Variants in CACNA1E observed in about 807,000 individuals in gnomAD.
CACNA1E encodes the protein calcium voltage-gated channel subunit alpha1 E.
CACNA1E carries 40 observed loss-of-function variants against 259.2 expected under a neutral mutation model. The ratio of observed to expected loss-of-function variants is 0.15; its 90% CI spans 0.12 to 0.20. The LOEUF is 0.20. CACNA1E is among the 10% of genes least tolerant of loss of function. The probability of loss-of-function intolerance (pLI) is 1.00; values close to 1 mark genes in which losing one functional copy is unlikely to be tolerated. For missense variants in CACNA1E, 1,874 were observed against 3,040.1 expected (o/e 0.62, Z 9.02); for synonymous variants, 1,104 against 1,138.5 (o/e 0.97, Z 0.61).
chr1:181,623,166 G>A (rs535894252), intron 6 of CACNA1E, among the ~76,000 whole-genome samples: 1 of 152,056 alleles, frequency 6.6e-6, no homozygotes, highest in African/African-American at 2.4e-5. Flanking sequence ...AGTTAAAATC[G>A]CCATCTCCAG....
At position 181,798,998 on chromosome 1, in the gene CACNA1E, C is replaced by A; in HGVS notation, c.*164C>A. On this transcript the variant is annotated 3_prime_UTR_variant, in exon 48 of 48. Transcript: ENST00000367573. This position sits in a 1 kb window ranked among gnomAD's most constrained non-coding sequence, Gnocchi z 4.2. Reference sequence around the variant, plus strand: ...AGTAAAGGACAATCAGAACACCAGTCAAACCCACCAAATTGCTTTATTCCC... The same window carrying A: ...AGTAAAGGACAATCAGAACACCAGTAAAACCCACCAAATTGCTTTATTCCC... 1.7e-6 allele frequency: 1 copy of A among 585,624 alleles called. No individual in the cohort carries two copies. Among genetic ancestry groups the A allele is most frequent in the African/African-American group, 1.9e-5 (1 of 53,518 alleles). 36.3% of individuals were successfully genotyped at this position (585,624 alleles called of 1,614,324 possible).
At chr1:181,509,014 G>T (rs899736717) in intron 1 of CACNA1E, among the ~76,000 whole-genome samples, 1 of 152,114 alleles carries the variant, frequency 6.6e-6, no homozygotes, top group African/African-American at 2.4e-5. Context: ...CTAGAGGTGC[G>T]TGGGAAGGAA....
At chr1:181,556,148 A>T (rs1648695541) in intron 3 of CACNA1E, among the ~76,000 whole-genome samples, 1 of 152,056 alleles carries the variant, frequency 6.6e-6, no homozygotes, top group South Asian at 2.1e-4. Context: ...AGGATGCAGG[A>T]TGGGTTTTCT....
intron 25 of CACNA1E, among the ~76,000 whole-genome samples, chr1:181,740,550 A>C (rs543544401): frequency 6.6e-6 from 1 of 152,010 alleles, no homozygotes; most frequent in Non-Finnish European, 1.5e-5. Flanking sequence ...TCTCTCTCTT[A>C]AGGAGAGGTA....
intron 7 of CACNA1E, among the ~76,000 whole-genome samples, chr1:181,678,428 A>G (rs1323033399): frequency 2.0e-5 from 3 of 152,234 alleles, no homozygotes; most frequent in Non-Finnish European, 4.4e-5. Flanking sequence ...TGGGCTATAT[A>G]TAATAACAAT....
intron 7 of CACNA1E, among the ~76,000 whole-genome samples, chr1:181,690,712 C>A (rs1408390469): frequency 6.6e-6 from 1 of 151,990 alleles, no homozygotes; most frequent in Non-Finnish European, 1.5e-5. Context: ...AGTTGTATTC[C>A]TAGGTATTTT....
chr1:181,402,076 A>C (rs570040412), intron 1 of CACNA1E, among the ~76,000 whole-genome samples: 2 of 152,238 alleles, frequency 1.3e-5, no homozygotes, highest in Admixed American at 1.3e-4. Context: ...GTATCATTAC[A>C]TATTTTCAAA....
chr1:181,577,872 G>A lies in CACNA1E; in HGVS notation c.616+3G>A, dbSNP rs1318284235. 3.8e-6 allele frequency: 6 copies of A among 1,592,170 alleles called. No homozygotes were observed. Among genetic ancestry groups the A allele is most frequent in the Non-Finnish European group, 5.2e-6 (6 of 1,163,360 alleles). ...GAAGCTCGTGTCAGGGATACCTAGT[G>A]AGCATCTGCCATTCTTTCTGCTCTG... On this transcript the variant is annotated splice_donor_region_variant and intron_variant, in intron 4 of 47. Transcript: ENST00000367573.
At chr1:181,703,292 A>C (rs1652459858) in intron 7 of CACNA1E, among the ~76,000 whole-genome samples, 1 of 152,208 alleles carries the variant, frequency 6.6e-6, no homozygotes, top group Non-Finnish European at 1.5e-5. Flanking sequence ...TGCACATTCT[A>C]TCATTTAATC....
At chr1:181,360,285 A>C (rs1653771099) in intron 1 of CACNA1E, among the ~76,000 whole-genome samples, 1 of 152,208 alleles carries the variant, frequency 6.6e-6, no homozygotes, top group Non-Finnish European at 1.5e-5. Context: ...TAACCACACA[A>C]AAACTGGTAC....
chr1:181,608,109 C>A (rs1225582263), intron 6 of CACNA1E, among the ~76,000 whole-genome samples: 2 of 152,128 alleles, frequency 1.3e-5, no homozygotes, highest in Non-Finnish European at 1.5e-5. Context: ...CACACTGATG[C>A]TTCTGGTGCC....
chr1:181,749,470 G>A (rs1284884105), intron 25 of CACNA1E, among the ~76,000 whole-genome samples: 2 of 152,194 alleles, frequency 1.3e-5, no homozygotes, highest in African/African-American at 4.8e-5. Context: ...ACCTGCTGAT[G>A]CAGAGCCTTA....
At chr1:181,352,266 C>A (rs558824185) in intron 1 of CACNA1E, among the ~76,000 whole-genome samples, 1 of 152,146 alleles carries the variant, frequency 6.6e-6, no homozygotes, top group South Asian at 2.1e-4. Flanking sequence ...GCCTTTTGAC[C>A]AGGAGTAAAA....
chr1:181,730,417 C>T (rs1413164203), intron 18 of CACNA1E, among the ~76,000 whole-genome samples: 1 of 152,226 alleles, frequency 6.6e-6, no homozygotes, highest in Admixed American at 6.5e-5. Context: ...TTTGCGGGAA[C>T]AGTTCATACG....
At chr1:181,785,521 A>T (rs1451594028) in intron 42 of CACNA1E, 103 bp downstream of exon 42, 2 of 927,716 alleles carry the variant, frequency 2.2e-6, no homozygotes, top group African/African-American at 3.3e-5. Flanking sequence ...AGGACTTAGA[A>T]GCAGCAGTAA....
At chr1:181,490,543 GTT>G (rs34093740) in intron 1 of CACNA1E, among the ~76,000 whole-genome samples, 62 of 125,246 alleles carry the variant, frequency 5.0e-4, no homozygotes, top group Middle Eastern at 4.1e-3. Context: ...TGCCAAGCAT[GTT>G]TTTTTTTTTT....
chr1:181,353,331 G>T (rs965726886), intron 1 of CACNA1E, among the ~76,000 whole-genome samples: 3 of 152,198 alleles, frequency 2.0e-5, no homozygotes, highest in African/African-American at 7.2e-5. Flanking sequence ...AAACAGACAA[G>T]TGATAGGCAA....
intron 1 of CACNA1E, among the ~76,000 whole-genome samples, chr1:181,351,342 G>A (rs761633040): frequency 6.6e-6 from 1 of 152,170 alleles, no homozygotes; most frequent in African/African-American, 2.4e-5. Context: ...AGTGTATCAC[G>A]GAATATGGTG....
At chr1:181,770,632 T>G (rs1301246708) in intron 35 of CACNA1E, among the ~76,000 whole-genome samples, 1 of 152,220 alleles carries the variant, frequency 6.6e-6, no homozygotes, top group African/African-American at 2.4e-5. Flanking sequence ...TCCTTTTGGA[T>G]GGGATTTGGG....
Sources: allele counts gnomAD v4.1 joint callset (sites outside exome capture counted in the v4.1 genomes callset), GRCh38; gene constraint gnomAD v4.1.1; non-coding constraint Gnocchi (gnomAD v3.1); transcripts MANE v1.5; gene names NCBI Gene and HGNC (gene_info 2026-07-23, HGNC 2026-07-21).